The following TAOK3 variants were observed in gnomAD, a reference collection of about 807,000 sequenced individuals.
The protein encoded by TAOK3 is serine/threonine-protein kinase TAO3.
In TAOK3, 40 loss-of-function variants were observed where a neutral mutation model predicts 120.4. That is an observed-to-expected ratio of 0.33 (90% CI 0.26 to 0.43). TAOK3 has a LOEUF of 0.43. TAOK3 is among the 20% of genes least tolerant of loss of function. The pLI is 1.00. For missense variants in TAOK3, 821 were observed against 1,112.1 expected, an observed-to-expected ratio of 0.74 and a Z score of 3.72; for synonymous variants, 355 against 387.5, an observed-to-expected ratio of 0.92 and a Z score of 0.99.
At chr12:118,187,021 G>A (rs879129715) in intron 14 of TAOK3, among the ~76,000 whole-genome samples, 1 of 152,206 alleles carries the variant, frequency 6.6e-6, no homozygotes, top group African/African-American at 2.4e-5. Context: ...TTAGGCTTAT[G>A]TTGAAGAAGT....
intron 17 of TAOK3, among the ~76,000 whole-genome samples, chr12:118,166,684 A>T (rs2035604675): frequency 6.6e-6 from 1 of 152,148 alleles, no homozygotes; most frequent in Non-Finnish European, 1.5e-5. Context: ...CAATATACAC[A>T]CTAGAGCCAC....
intron 1 of TAOK3, among the ~76,000 whole-genome samples, chr12:118,310,404 T>C (rs2043218927): frequency 1.3e-5 from 2 of 152,208 alleles, no homozygotes; most frequent in South Asian, 4.1e-4. Flanking sequence ...AATATGTATG[T>C]CTTCAAACAT....
At chr12:118,243,363 A>T in intron 5 of TAOK3, 52 bp downstream of exon 5, 1 of 1,015,210 alleles carries the variant, frequency 9.9e-7, no homozygotes, top group Non-Finnish European at 1.5e-6. Context: ...TAGAAAAAAA[A>T]GAAAAAGAAA....
At chr12:118,233,629 TAG>T in intron 9 of TAOK3, 43 bp downstream of exon 9, 1 of 1,406,528 alleles carries the variant, frequency 7.1e-7, no homozygotes, top group East Asian at 2.3e-5. Context: ...ATCTGCAAAA[TAG>T]AATTTTAAAA....
At chr12:118,363,901 C>T (rs2045675202) in intron 1 of TAOK3, among the ~76,000 whole-genome samples, 1 of 152,014 alleles carries the variant, frequency 6.6e-6, no homozygotes, top group Admixed American at 6.6e-5. Context: ...GTGGGCGGAT[C>T]ACCTGAGTTT....
chr12:118,177,336 A>T lies in TAOK3; in HGVS notation c.1567-7T>A. On this transcript the variant is annotated splice_polypyrimidine_tract_variant and splice_region_variant and intron_variant, in intron 15 of 20. Coordinates refer to ENST00000392533, the MANE Select transcript of TAOK3 (RefSeq NM_016281.4). ...CTGCTGCAGCTACCTTTGCCTGATA[A>T]AATAACAAATACAATGTAGGATGAA... 6.2e-7 allele frequency: 1 copy of T among 1,612,890 alleles called. No homozygotes were observed.
At chr12:118,265,030 T>A (rs915051625) in intron 2 of TAOK3, among the ~76,000 whole-genome samples, 1 of 151,804 alleles carries the variant, frequency 6.6e-6, no homozygotes, top group Non-Finnish European at 1.5e-5. Context: ...CGAGACTCTG[T>A]CTCAAAAGAA....
chr12:118,369,509 T>A (rs2045840385), intron 1 of TAOK3, among the ~76,000 whole-genome samples: 1 of 152,200 alleles, frequency 6.6e-6, no homozygotes, highest in East Asian at 1.9e-4. Context: ...TAATGTTTTG[T>A]CTTAAGAAAC....
chr12:118,232,636 T>G (rs2039833224), intron 9 of TAOK3, among the ~76,000 whole-genome samples: 1 of 152,166 alleles, frequency 6.6e-6, no homozygotes, highest in Non-Finnish European at 1.5e-5. Context: ...CTGGGTGTGG[T>G]GTCTCACATC....
chr12:118,325,500 A>C (rs1004430740), intron 1 of TAOK3, among the ~76,000 whole-genome samples: 10 of 152,062 alleles, frequency 6.6e-5, no homozygotes, highest in Non-Finnish European at 8.8e-5. Flanking sequence ...ATTTTTTCAT[A>C]TACCTGTTGG....
In TAOK3 at chr12:118,199,056, T is replaced by C. The variant is rs201098981; in HGVS notation, c.1189A>G (p.Lys397Glu). 1 of 1,614,068 alleles carries C rather than the reference T, an allele frequency of 6.2e-7. No individual in the cohort carries two copies. The highest frequency in any genetic ancestry group is 1.3e-5 in the African/African-American group (1 of 74,932). Reference sequence around the variant, plus strand: ...GAGGGTACCAAGAAACCTACTTTCTTATGCACGACGGAGGAGCTGGAATTG... The same window carrying C: ...GAGGGTACCAAGAAACCTACTTTCTCATGCACGACGGAGGAGCTGGAATTG... ...TINSSSSVVHKKDHVFIRDEA... is the reference protein window; with the variant it reads ...TINSSSSVVHEKDHVFIRDEA... The change falls in exon 13 of 21, where the codon AAG becomes GAG. Residue 397 changes from lysine to glutamate, a missense_variant. Around this residue, in one of 2 missense-constraint regions of TAOK3, gnomAD observed 467 missense variants for 540.0 expected, o/e 0.86. Transcript: ENST00000392533.
intron 1 of TAOK3, among the ~76,000 whole-genome samples, chr12:118,290,893 C>CTT (rs757019424): frequency 4.3e-5 from 6 of 138,792 alleles, no homozygotes; most frequent in Admixed American, 7.1e-5. Context: ...AGGGCGTTTA[C>CTT]TTTTTTTTTT....
At chr12:118,189,992 G>T in intron 13 of TAOK3, 51 bp from the exon 14 acceptor site, 1 of 1,603,190 alleles carries the variant, frequency 6.2e-7, no homozygotes. Flanking sequence ...CTCTTTCCTC[G>T]CCGGCTGCCT....
intron 1 of TAOK3, among the ~76,000 whole-genome samples, chr12:118,336,867 T>C (rs1021330556): frequency 2.6e-5 from 4 of 151,912 alleles, no homozygotes; most frequent in Admixed American, 1.3e-4. Context: ...AGGCCAGGAG[T>C]TCATGACCAG....
intron 1 of TAOK3, among the ~76,000 whole-genome samples, chr12:118,347,604 G>A (rs2044923047): frequency 6.6e-6 from 1 of 152,076 alleles, no homozygotes; most frequent in Admixed American, 6.6e-5. Flanking sequence ...TTCTTGGTTT[G>A]TGTGGCACTG....
chr12:118,363,753 TGTGAGA>T (rs1023122090), intron 1 of TAOK3, among the ~76,000 whole-genome samples: 3 of 147,842 alleles, frequency 2.0e-5, no homozygotes, highest in Non-Finnish European at 3.0e-5. Flanking sequence ...TGTGTGTGTG[TGTGAGA>T]GAGAGAGAGA....
At chr12:118,366,010 A>C (rs1049141007) in intron 1 of TAOK3, among the ~76,000 whole-genome samples, 5 of 152,234 alleles carry the variant, frequency 3.3e-5, no homozygotes, top group Non-Finnish European at 7.3e-5. Flanking sequence ...CACACCTGTA[A>C]TCCCAGCACT....
In TAOK3 at chr12:118,251,825, CT is replaced by C. The variant is rs761219744; in HGVS notation, c.120+3622del. 2.6e-3 allele frequency among the ~76,000 whole-genome samples: 375 copies of C among 142,072 alleles called. 1 individual carries two copies. Among genetic ancestry groups the C allele is most frequent in the East Asian group, 4.3e-3 (21 of 4,928 alleles). 93.2% of individuals were successfully genotyped at this position (142,072 alleles called of 152,430 possible). On this transcript the variant is annotated intron_variant, in intron 3 of 20. Transcript: ENST00000392533. ...TAGCACTTTAAGAAGGGTTTGGCTG[CT>C]TTTTTTTTTTTTTGAGACAGAGTCT... is the stretch of plus-strand genomic sequence containing the variant.
At chr12:118,152,895 G>A (rs1344738363) in intron 19 of TAOK3, 1 of 153,610 alleles carries the variant, frequency 6.5e-6, no homozygotes, top group Admixed American at 6.4e-5. Context: ...ATAAATAGTA[G>A]TGGTTATCAT....
Sources: gnomAD v4.1 joint callset for allele counts (sites outside exome capture counted in the v4.1 genomes callset) on GRCh38, gnomAD v4.1.1 for gene constraint, gnomAD v4.1.1 regional missense constraint, MANE v1.5 for transcripts, NCBI Gene and HGNC (gene_info 2026-07-23, HGNC 2026-07-21) for gene names.